SLC38A10: variants seen among roughly 807,000 people sequenced by gnomAD.
SLC38A10 encodes solute carrier family 38 member 10.
SLC38A10 carries 53 observed loss-of-function variants against 81.0 expected under a neutral mutation model. That is an observed-to-expected ratio of 0.65 (90% confidence interval 0.53 to 0.82). SLC38A10 has a LOEUF of 0.82. SLC38A10 is among the 40% of genes least tolerant of loss of function. The probability of loss-of-function intolerance (pLI) is 0.00; values close to 1 mark genes in which losing one functional copy is unlikely to be tolerated. For missense variants in SLC38A10, 1,471 were observed against 1,545.0 expected, an observed-to-expected ratio of 0.95 and a Z score of 0.80; for synonymous variants, 665 against 655.3, an observed-to-expected ratio of 1.01 and a Z score of -0.23.
At chr17:81,267,567 A>G (rs1430673563) in intron 10 of SLC38A10, among the ~76,000 whole-genome samples, 4 of 152,128 alleles carry the variant, frequency 2.6e-5, no homozygotes, top group Non-Finnish European at 4.4e-5. Flanking sequence ...GGACTAAAAC[A>G]TGGGACCTGG....
In SLC38A10 at chr17:81,275,953, G is replaced by A; in HGVS notation, c.912+16C>T. ...CCTGTGCTATTACGATCCGGAGAGTGCCCCGAGGGTCTTACCTGCTGCTCA... is the reference window on the plus strand; with the variant it reads ...CCTGTGCTATTACGATCCGGAGAGTACCCCGAGGGTCTTACCTGCTGCTCA... On this transcript the variant is annotated intron_variant, in intron 8 of 15. Coordinates refer to ENST00000374759, the MANE Select transcript of SLC38A10 (RefSeq NM_001037984.3). 6.2e-7 allele frequency: 1 copy of A among 1,608,908 alleles called. No individual in the cohort carries two copies. Among genetic ancestry groups the A allele is most frequent in the Non-Finnish European group, 8.5e-7 (1 of 1,176,772 alleles).
Position 81,252,618 on chromosome 17 carries a change from C to A in SLC38A10, c.1522G>T (p.Val508Leu). Residue 508 changes from valine (V) to leucine (L), a missense_variant, in exon 13 of 16, where the codon GTA becomes TTA. Val to Leu is a conservative substitution (Grantham distance 32). Transcript: ENST00000374759. Reference protein sequence around the residue: ...EPPVPHDKVVVDEGQDREVPE... With the variant: ...EPPVPHDKVVLDEGQDREVPE... ...ACCTCTCGGTCTTGGCCTTCATCTA[C>A]CACCACCTTGTCGTGAGGAACAGGA... The A allele has an allele frequency of 1.9e-6, 3 of 1,612,908 alleles. No individual in the cohort carries two copies. The South Asian group carries it at 3.3e-5, about 18-fold the overall frequency.
intron 11 of SLC38A10, among the ~76,000 whole-genome samples, chr17:81,254,840 TG>T (rs1487995028): frequency 1.3e-5 from 2 of 152,154 alleles, no homozygotes; most frequent in African/African-American, 4.8e-5. Context: ...AGAGGCCCCA[TG>T]CGGAAACAAG....
At position 81,283,617 on chromosome 17, in the gene SLC38A10, CT is replaced by C. The variant is rs111438281; in HGVS notation, c.264-116del. On this transcript the variant is annotated intron_variant, in intron 3 of 15. Coordinates refer to ENST00000374759, the MANE Select transcript of SLC38A10 (RefSeq NM_001037984.3). The surrounding 1 kb of genome is among the most constrained non-coding windows in gnomAD (Gnocchi z 4.7). ...GAATGACAGATGTGATTTCTTTTTTCTTTTTTTTTTTTTTGAAACAGAGTCT... is the reference window on the plus strand; with the variant it reads ...GAATGACAGATGTGATTTCTTTTTTCTTTTTTTTTTTTTGAAACAGAGTCT... 0.11 allele frequency: 55,438 copies of C among 491,948 alleles called. No individual in the cohort carries two copies. Among genetic ancestry groups the C allele is most frequent in the South Asian group, 0.21 (8,145 of 39,198 alleles). The allele number at this position is 491,948 out of a possible 1,614,324, so 30.5% of individuals were successfully genotyped here. A position where few individuals can be genotyped will look rare whatever the true frequency, so the allele number is the denominator to read the frequency against.
chr17:81,252,955 T>C (rs762311173), intron 12 of SLC38A10, 118 bp downstream of exon 12: 178 of 1,325,944 alleles, frequency 1.3e-4, no homozygotes, highest in Non-Finnish European at 1.7e-4. Context: ...GAACTTAGGC[T>C]GGGCTGAAGG....
chr17:81,259,471 T>A (rs1394920044), intron 11 of SLC38A10, among the ~76,000 whole-genome samples: 1 of 152,210 alleles, frequency 6.6e-6, no homozygotes, highest in South Asian at 2.1e-4. Flanking sequence ...CATCCCTGCC[T>A]GGTGCCACTC....
Position 81,270,888 on chromosome 17 carries a change from C to T in SLC38A10, c.1131+30G>A, listed in dbSNP as rs367959594. Reference sequence around the variant, plus strand: ...TCCCCAGCCCAGACCCATCAGCCCTCGTCCAGGCCACCCCACGAGCAGCAC... The same window carrying T: ...TCCCCAGCCCAGACCCATCAGCCCTTGTCCAGGCCACCCCACGAGCAGCAC... On this transcript the variant is annotated intron_variant, in intron 10 of 15. Coordinates refer to ENST00000374759, the MANE Select transcript of SLC38A10 (RefSeq NM_001037984.3). This position sits in a 1 kb window ranked among gnomAD's most constrained non-coding sequence, Gnocchi z 4.0. The T allele has an allele frequency of 2.9e-4, 459 of 1,601,200 alleles. No homozygotes were observed. Among genetic ancestry groups the T allele is most frequent in the Non-Finnish European group, 3.6e-4 (420 of 1,168,828 alleles).
At chr17:81,257,766 A>C (rs1349087510) in intron 11 of SLC38A10, among the ~76,000 whole-genome samples, 3 of 152,126 alleles carry the variant, frequency 2.0e-5, no homozygotes, top group African/African-American at 7.2e-5. Flanking sequence ...CCCCTGCCTC[A>C]TTTTCCCACG....
intron 8 of SLC38A10, 33 bp from the exon 9 acceptor site, chr17:81,272,660 G>T: frequency 1.4e-6 from 2 of 1,442,534 alleles, no homozygotes; most frequent in South Asian, 2.7e-5. Context: ...GTTTTGAAAT[G>T]ACTGATTTCC....
At chr17:81,247,876 T>C (rs1050232395) in intron 14 of SLC38A10, among the ~76,000 whole-genome samples, 2 of 151,332 alleles carry the variant, frequency 1.3e-5, no homozygotes, top group East Asian at 3.9e-4. Flanking sequence ...CTGTAAGCTA[T>C]GTTTTGAAAA....
chr17:81,292,284 G>A (rs1006488531), intron 1 of SLC38A10, among the ~76,000 whole-genome samples: 9 of 151,826 alleles, frequency 5.9e-5, no homozygotes, highest in Non-Finnish European at 1.3e-4. Flanking sequence ...CTGACATCGC[G>A]CACAGCTAAT....
intron 11 of SLC38A10, among the ~76,000 whole-genome samples, chr17:81,257,222 C>T (rs1185920109): frequency 6.6e-6 from 1 of 152,110 alleles, no homozygotes; most frequent in Non-Finnish European, 1.5e-5. Context: ...CAGGCTCAAG[C>T]GATCCTCCCA....
intron 10 of SLC38A10, among the ~76,000 whole-genome samples, chr17:81,262,677 G>C (rs2063034257): frequency 6.6e-6 from 1 of 152,218 alleles, no homozygotes; most frequent in Admixed American, 6.5e-5. Flanking sequence ...GGCTGGTCAG[G>C]ACAGGAGACT....
chr17:81,279,335 G>C (rs2063188271), intron 6 of SLC38A10, among the ~76,000 whole-genome samples: 1 of 152,228 alleles, frequency 6.6e-6, no homozygotes, highest in Non-Finnish European at 1.5e-5. Flanking sequence ...CTGGCATCCA[G>C]GCCAATCACA....
rs1237920042 is a variant in SLC38A10, at chr17:81,252,542, C to G, written c.1598G>C (p.Gly533Ala). 1 of 1,613,312 alleles carries G rather than the reference C, an allele frequency of 6.2e-7. No homozygotes were observed. The highest frequency in any genetic ancestry group is 8.5e-7 in the Non-Finnish European group (1 of 1,180,050). Residue 533 changes from glycine (G) to alanine (A), a missense_variant, in exon 13 of 16, where the codon GGG (glycine) becomes GCG (alanine). Transcript: ENST00000374759. ...AGGCGGCGCCATCTGGCCCTGGACC[C>G]CTGGAGCCTTTCCGCCCGCGTGTCT... Reference protein sequence around the residue: ...PSRHAGGKAPGVQGQMAPPLP... With the variant: ...PSRHAGGKAPAVQGQMAPPLP...
intron 10 of SLC38A10, among the ~76,000 whole-genome samples, chr17:81,269,240 G>A (rs770703932): frequency 6.6e-6 from 1 of 152,216 alleles, no homozygotes; most frequent in East Asian, 1.9e-4. Flanking sequence ...GGGGCTGGGT[G>A]TAGTGGCTCA....
chr17:81,284,788 G>A (rs1207179349), intron 3 of SLC38A10, 62 bp downstream of exon 3: 11 of 1,368,780 alleles, frequency 8.0e-6, no homozygotes, highest in Middle Eastern at 2.1e-4. Flanking sequence ...CTCCCACCGG[G>A]AGGGTCCCCA....
intron 9 of SLC38A10, among the ~76,000 whole-genome samples, chr17:81,271,480 G>GC (rs2063115326): frequency 6.6e-6 from 1 of 152,170 alleles, no homozygotes; most frequent in South Asian, 2.1e-4. Context: ...GAGAGTGCGT[G>GC]CGAGTTCCCC....
intron 1 of SLC38A10, among the ~76,000 whole-genome samples, chr17:81,293,838 T>C (rs538200615): frequency 6.6e-6 from 1 of 152,380 alleles, no homozygotes; most frequent in African/African-American, 2.4e-5. Flanking sequence ...AACGTTTCAG[T>C]CAGCCTTTCT....
Sources: allele counts gnomAD v4.1 joint callset (sites outside exome capture counted in the v4.1 genomes callset), GRCh38; gene constraint gnomAD v4.1.1; non-coding constraint Gnocchi (gnomAD v3.1); transcripts MANE v1.5; gene names NCBI Gene and HGNC (gene_info 2026-07-23, HGNC 2026-07-21).